CACNA1E: variants seen among roughly 807,000 people sequenced by gnomAD.
The protein encoded by CACNA1E is voltage-dependent R-type calcium channel subunit alpha-1E.
Under a neutral mutation model 259.2 loss-of-function variants are expected in CACNA1E, and 40 were observed. The observed-to-expected ratio is 0.15, with a 90% confidence interval of 0.12 to 0.20. The LOEUF (loss-of-function observed/expected upper bound fraction) is 0.20. Ranked by LOEUF, CACNA1E falls within the 10% of genes least tolerant of loss-of-function variation. The probability of loss-of-function intolerance (pLI) is 1.00; values close to 1 mark genes in which losing one functional copy is unlikely to be tolerated. For missense variants in CACNA1E, 1,874 were observed against 3,040.1 expected, an observed-to-expected ratio of 0.62 and a Z score of 9.02; for synonymous variants, 1,104 against 1,138.5, an observed-to-expected ratio of 0.97 and a Z score of 0.61.
At position 181,738,353 on chromosome 1, in the gene CACNA1E, T is replaced by C. The variant is rs1004798154; in HGVS notation, c.3553-14T>C. The C allele has an allele frequency of 2.5e-6, 4 of 1,610,852 alleles. No homozygotes were observed. The African/African-American group carries it at 4.0e-5, about 16-fold the overall frequency. Reference sequence around the variant, plus strand: ...CACACATGGTCATTTCCTTCCACCATATGTGTCTTTCAGGTCCTGAGGTAT... The same window carrying C: ...CACACATGGTCATTTCCTTCCACCACATGTGTCTTTCAGGTCCTGAGGTAT... On this transcript the variant is annotated splice_polypyrimidine_tract_variant and intron_variant, in intron 23 of 47. Coordinates refer to ENST00000367573, the MANE Select transcript of CACNA1E (RefSeq NM_001205293.3).
chr1:181,494,058 A>G (rs1664532658), intron 1 of CACNA1E, among the ~76,000 whole-genome samples: 1 of 152,056 alleles, frequency 6.6e-6, no homozygotes, highest in Non-Finnish European at 1.5e-5. Flanking sequence ...TCTGGCTTTA[A>G]GATTGTACTC....
At chr1:181,764,740 G>A (rs1049989370) in intron 34 of CACNA1E, among the ~76,000 whole-genome samples, 8 of 152,136 alleles carry the variant, frequency 5.3e-5, no homozygotes, top group African/African-American at 1.4e-4. Flanking sequence ...TGAGTCTCAG[G>A]TGATTTTGGA....
chr1:181,727,705 G>A (rs527593439), intron 18 of CACNA1E, among the ~76,000 whole-genome samples: 30 of 152,306 alleles, frequency 2.0e-4, no homozygotes, highest in African/African-American at 6.5e-4. Context: ...TTGTTGCATC[G>A]GGGCCTGCAT....
chr1:181,778,160 T>C (rs763416294), intron 38 of CACNA1E, among the ~76,000 whole-genome samples: 7 of 152,198 alleles, frequency 4.6e-5, no homozygotes, highest in African/African-American at 1.2e-4. Flanking sequence ...TAGAGTTTGG[T>C]TGGCTTTCTT....
rs1255803950 is a variant in CACNA1E at position 181,799,670 on chromosome 1, C to T, written c.*836C>T. 6.6e-6 allele frequency: 1 copy of T among 152,300 alleles called. No homozygotes were observed. The highest frequency in any genetic ancestry group is 1.9e-4 in the East Asian group (1 of 5,186). The allele number at this position is 152,300 out of a possible 1,614,324, so 9.4% of individuals were successfully genotyped here. ...GGGTGAAGATAAAAGTATTTAACAA[C>T]CGCTATGGCATCAATGTAAGTGGAG... On this transcript the variant is annotated 3_prime_UTR_variant, in exon 48 of 48. Transcript: ENST00000367573.
chr1:181,672,555 G>A (rs958488659), intron 7 of CACNA1E, among the ~76,000 whole-genome samples: 1 of 152,172 alleles, frequency 6.6e-6, no homozygotes, highest in African/African-American at 2.4e-5. Flanking sequence ...GGGAAGAAAG[G>A]ACCTAAAGTG....
At chr1:181,700,009 C>T (rs978484245) in intron 7 of CACNA1E, among the ~76,000 whole-genome samples, 19 of 152,186 alleles carry the variant, frequency 1.2e-4, no homozygotes, top group Middle Eastern at 6.8e-3. Context: ...GACAAAAATT[C>T]GGTAGCTTTC....
chr1:181,781,738 T>C (rs1031489203), intron 39 of CACNA1E, among the ~76,000 whole-genome samples: 1 of 152,122 alleles, frequency 6.6e-6, no homozygotes, highest in African/African-American at 2.4e-5. Context: ...TTCAACATGG[T>C]TTTTTATGTG....
At chr1:181,629,882 C>A (rs1023193248) in intron 6 of CACNA1E, among the ~76,000 whole-genome samples, 2 of 152,254 alleles carry the variant, frequency 1.3e-5, no homozygotes, top group Non-Finnish European at 2.9e-5. Context: ...ATGTTGCCTA[C>A]CTGTGGTTCT....
chr1:181,328,418 A>G (rs1476730947), intron 1 of CACNA1E, among the ~76,000 whole-genome samples: 2 of 152,166 alleles, frequency 1.3e-5, no homozygotes, highest in African/African-American at 2.4e-5. Context: ...ACATTCAGAC[A>G]ATAGCAAGGA....
chr1:181,720,209 T>C lies in CACNA1E; in HGVS notation c.1755T>C (p.Tyr585=), dbSNP rs762337372. ...TCACATTGTCTGGGTTTTGTAGGTATTGGGCTTCCCTACGGAATTTGGTGG... is the reference window on the plus strand; with the variant it reads ...TCACATTGTCTGGGTTTTGTAGGTACTGGGCTTCCCTACGGAATTTGGTGG... The part of the protein sequence containing the change: ...RLLRIFKITK[Y]WASLRNLVVS... The change falls in exon 14 of 48, where the codon TAT becomes TAC. Residue 585 remains tyrosine (Y), a synonymous_variant. Coordinates refer to ENST00000367573, the MANE Select transcript of CACNA1E (RefSeq NM_001205293.3). 2.5e-6 allele frequency: 4 copies of C among 1,613,956 alleles called. No individual in the cohort carries two copies. The highest frequency in any genetic ancestry group is 3.3e-5 in the Admixed American group (2 of 60,020).
At chr1:181,465,793 T>A (rs1255251304) in intron 2 of CACNA1E, among the ~76,000 whole-genome samples, 1 of 152,260 alleles carries the variant, frequency 6.6e-6, no homozygotes, top group Non-Finnish European at 1.5e-5. Context: ...TTGTATTAGC[T>A]AACTTATCCT....
At chr1:181,367,671 CTT>C (rs1654381867) in intron 1 of CACNA1E, among the ~76,000 whole-genome samples, 1 of 149,918 alleles carries the variant, frequency 6.7e-6, no homozygotes, top group Admixed American at 6.7e-5. Flanking sequence ...CTAATTATAA[CTT>C]TAATTAGATA....
intron 21 of CACNA1E, among the ~76,000 whole-genome samples, chr1:181,735,184 A>ATGTC (rs1357674830): frequency 2.0e-5 from 3 of 152,218 alleles, no homozygotes; most frequent in African/African-American, 7.2e-5. Flanking sequence ...TGACTTGGGC[A>ATGTC]TGTCTCAGGA....
intron 7 of CACNA1E, among the ~76,000 whole-genome samples, chr1:181,673,137 T>A (rs935987572): frequency 3.9e-5 from 6 of 152,236 alleles, no homozygotes; most frequent in Non-Finnish European, 7.3e-5. Context: ...ATGTAGAACG[T>A]ACCTCAGCCC....
intron 7 of CACNA1E, among the ~76,000 whole-genome samples, chr1:181,707,682 C>T (rs1418210765): frequency 6.6e-6 from 1 of 152,102 alleles, no homozygotes; most frequent in East Asian, 1.9e-4. Flanking sequence ...CCTAGTTCAC[C>T]TGCTCCCTTT....
At position 181,372,663 on chromosome 1, in the gene CACNA1E, G is replaced by A. The variant is rs113507652; in HGVS notation, c.-14-40470G>A. ...AGTAGGAGTGGCAAGAGTGGGCATC[G>A]TTATCTTGTTCCAATTCTCATGGGG... On this transcript the variant is annotated intron_variant, in intron 1 of 11. Transcript: ENST00000524607. Among the ~76,000 whole-genome samples the A allele has an allele frequency of 5.6e-3, 851 of 152,054 alleles. 10 individuals are homozygous for A. The highest frequency in any genetic ancestry group is 0.019 in the African/African-American group (794 of 41,468).
chr1:181,717,373 G>C (rs780384169), intron 11 of CACNA1E, 71 bp downstream of exon 11: 11 of 1,271,146 alleles, frequency 8.7e-6, no homozygotes, highest in African/African-American at 1.5e-5. Context: ...GTGTGTGAAC[G>C]CAAGACAGCA....
intron 1 of CACNA1E, among the ~76,000 whole-genome samples, chr1:181,390,778 C>T (rs756379106): frequency 6.6e-5 from 10 of 152,130 alleles, no homozygotes; most frequent in Non-Finnish European, 1.2e-4. Flanking sequence ...TGAGCTATAA[C>T]ACATGGCATT....
Sources: allele counts gnomAD v4.1 joint callset (sites outside exome capture counted in the v4.1 genomes callset), GRCh38; gene constraint gnomAD v4.1.1; transcripts MANE v1.5; gene names NCBI Gene and HGNC (gene_info 2026-07-23, HGNC 2026-07-21).